Variants in TOMM34 observed in about 807,000 individuals in gnomAD.
TOMM34 encodes translocase of outer mitochondrial membrane 34.
TOMM34 carries 24 observed loss-of-function variants against 37.4 expected under a neutral mutation model. That is an observed-to-expected ratio of 0.64 (90% CI 0.46 to 0.90). The LOEUF is 0.90. TOMM34 is among the 40% of genes least tolerant of loss of function. The probability of loss-of-function intolerance (pLI) is 0.00; values close to 1 mark genes in which losing one functional copy is unlikely to be tolerated. For missense variants in TOMM34, 304 were observed against 375.6 expected (o/e 0.81, Z 1.58); for synonymous variants, 154 against 148.9 (o/e 1.03, Z -0.25).
intron 1 of TOMM34, among the ~76,000 whole-genome samples, chr20:44,958,095 T>TATGTATATATGTATACATGTAC (rs2067090160): frequency 1.8e-5 from 2 of 112,772 alleles, no homozygotes; most frequent in African/African-American, 3.4e-5. Context: ...TATATATGTA[T>TATGTATATATGTATACATGTAC]ATGTATATAT....
At position 44,960,220 on chromosome 20, in the gene TOMM34, C is replaced by A; in HGVS notation, c.114G>T (p.Val38=). The change falls in exon 1 of 7, where the codon GTG becomes GTT. Residue 38 remains valine (V), a synonymous_variant. Transcript: ENST00000372813. ...CCGGGGTCGTACCTTGCGCCTGCAGCACCCGCAGCGCGCGGCCGTAGAGCG... is the reference window on the plus strand; with the variant it reads ...CCGGGGTCGTACCTTGCGCCTGCAGAACCCGCAGCGCGCGGCCGTAGAGCG... ...ASALYGRALR[V]LQAQGSSDPE... is the part of the protein sequence containing the mutation. 1 of 1,559,970 alleles carries A rather than the reference C, an allele frequency of 6.4e-7. No homozygotes were observed. The highest frequency in any genetic ancestry group is 8.7e-7 in the Non-Finnish European group (1 of 1,153,274).
chr20:44,952,609 T>A (rs2067035757), intron 3 of TOMM34: 1 of 717,466 alleles, frequency 1.4e-6, no homozygotes, highest in Non-Finnish European at 2.6e-6. Context: ...GATTGCCACC[T>A]TCCAGGCCCG....
At chr20:44,944,653 C>T (rs979791397) in intron 5 of TOMM34, among the ~76,000 whole-genome samples, 1 of 152,078 alleles carries the variant, frequency 6.6e-6, no homozygotes, top group Non-Finnish European at 1.5e-5. Flanking sequence ...GAGTTTGAGA[C>T]CAGCCTGGGC....
intron 3 of TOMM34, chr20:44,952,729 G>A: frequency 1.4e-6 from 1 of 715,402 alleles, no homozygotes; most frequent in Non-Finnish European, 2.6e-6. Context: ...AACCACCAAG[G>A]CCCAATCAGT....
intron 1 of TOMM34, chr20:44,958,274 GATATTTGATATCTTTCATTC>G: frequency 2.2e-6 from 1 of 454,322 alleles, no homozygotes; most frequent in South Asian, 1.6e-5. Flanking sequence ...TTGCCATGTT[GATATTTGATATCTTTCATTC>G]AATACCAACA....
At chr20:44,946,337 C>A (rs890953827) in intron 5 of TOMM34, among the ~76,000 whole-genome samples, 1 of 152,126 alleles carries the variant, frequency 6.6e-6, no homozygotes, top group Non-Finnish European at 1.5e-5. Flanking sequence ...TGCATAACTT[C>A]AGGCAATAAA....
intron 4 of TOMM34, among the ~76,000 whole-genome samples, chr20:44,949,096 AT>A (rs2067005122): frequency 6.6e-6 from 1 of 152,214 alleles, no homozygotes; most frequent in African/African-American, 2.4e-5. Context: ...GAATCCTGAT[AT>A]AAAAACATTT....
chr20:44,958,133 T>C (rs996839329), intron 1 of TOMM34, among the ~76,000 whole-genome samples: 1 of 124,538 alleles, frequency 8.0e-6, no homozygotes, highest in African/African-American at 3.0e-5. Flanking sequence ...TATATATGTA[T>C]ATGTATATAT....
At chr20:44,956,336 C>G in intron 2 of TOMM34, 50 bp downstream of exon 2, 2 of 1,561,630 alleles carry the variant, frequency 1.3e-6, no homozygotes, top group South Asian at 1.1e-5. Context: ...TTAACCCAGC[C>G]TCCTCTTCTG....
Position 44,960,348 on chromosome 20 carries a change from G to A in TOMM34, c.-15C>T. On this transcript the variant is annotated 5_prime_UTR_variant, in exon 1 of 7. Transcript: ENST00000372813. ...TTGGGGGCCATCCCGTGGCCAGGCC[G>A]GCGAGTTGGGAGCTCCTTCCTTCCT... The A allele has an allele frequency of 1.9e-6, 3 of 1,553,278 alleles. No homozygotes were observed. Among genetic ancestry groups the A allele is most frequent in the South Asian group, 1.2e-5 (1 of 83,758 alleles).
At chr20:44,957,529 C>T (rs1036312186) in intron 1 of TOMM34, among the ~76,000 whole-genome samples, 2 of 152,032 alleles carry the variant, frequency 1.3e-5, no homozygotes, top group African/African-American at 2.4e-5. Flanking sequence ...CCACTAGTGT[C>T]GGCCATTATT....
chr20:44,957,820 T>C (rs2067087113), intron 1 of TOMM34, among the ~76,000 whole-genome samples: 1 of 151,988 alleles, frequency 6.6e-6, no homozygotes, highest in Non-Finnish European at 1.5e-5. Flanking sequence ...TTTTTAAAGT[T>C]TTTGTAGAGA....
chr20:44,959,878 G>A (rs2067109960), intron 1 of TOMM34: 1 of 973,166 alleles, frequency 1.0e-6, no homozygotes, highest in Non-Finnish European at 1.2e-6. Context: ...TTGAGAGAAG[G>A]GACTTTTTGT....
intron 1 of TOMM34, 26 bp downstream of exon 1, chr20:44,960,181 A>G: frequency 6.5e-7 from 1 of 1,547,084 alleles, no homozygotes; most frequent in African/African-American, 1.4e-5. Flanking sequence ...GCAGGCCCGG[A>G]GGTGAGATGG....
chr20:44,957,389 G>A (rs978346601), intron 1 of TOMM34, among the ~76,000 whole-genome samples: 1 of 152,082 alleles, frequency 6.6e-6, no homozygotes, highest in Non-Finnish European at 1.5e-5. Flanking sequence ...GGCCAAGCTG[G>A]TCTTGAACTC....
intron 4 of TOMM34, 102 bp downstream of exon 4, chr20:44,951,731 A>G (rs1487419484): frequency 2.2e-6 from 3 of 1,387,912 alleles, no homozygotes; most frequent in Non-Finnish European, 2.9e-6. Context: ...TCCTAAGATT[A>G]TTTTTATAAC....
chr20:44,956,253 A>G (rs901153822), intron 2 of TOMM34, 133 bp downstream of exon 2: 22 of 871,110 alleles, frequency 2.5e-5, no homozygotes, highest in Non-Finnish European at 3.2e-5. Context: ...ACCTGGTGAA[A>G]CTCAGTGACA....
Position 44,960,371 on chromosome 20 carries a change from C to T in TOMM34, c.-38G>A, listed in dbSNP as rs562325240. 1.2e-5 allele frequency: 18 copies of T among 1,523,842 alleles called. No homozygotes were observed. The East Asian group carries it at 3.3e-4, about 28-fold the overall frequency. The allele number at this position is 1,523,842 out of a possible 1,614,324, so 94.4% of individuals were successfully genotyped here. On this transcript the variant is annotated 5_prime_UTR_variant, in exon 1 of 7. Transcript: ENST00000372813. ...CCGGCGAGTTGGGAGCTCCTTCCTTCCTCCCCCGTGTGGTGCGGCACACCT... is the reference window on the plus strand; with the variant it reads ...CCGGCGAGTTGGGAGCTCCTTCCTTTCTCCCCCGTGTGGTGCGGCACACCT...
At position 44,952,687 on chromosome 20, in the gene TOMM34, A is replaced by G. The variant is rs1479236250; in HGVS notation, c.381-685T>C. The G allele has an allele frequency of 4.2e-6, 3 of 717,340 alleles. No homozygotes were observed. In the East Asian group the frequency reaches 8.0e-5, roughly 19 times the overall value. 44.4% of individuals were successfully genotyped at this position (717,340 alleles called of 1,614,324 possible). Reference sequence around the variant, plus strand: ...CCCAGAGACCAAGTTCATTCTGTCAACTGATCTCCAGCACCTGGTATGTCA... The same window carrying G: ...CCCAGAGACCAAGTTCATTCTGTCAGCTGATCTCCAGCACCTGGTATGTCA... On this transcript the variant is annotated intron_variant, in intron 3 of 6. Transcript: ENST00000372813.
Sources: gnomAD v4.1 joint callset for allele counts (sites outside exome capture counted in the v4.1 genomes callset) on GRCh38, gnomAD v4.1.1 for gene constraint, MANE v1.5 for transcripts, NCBI Gene and HGNC (gene_info 2026-07-23, HGNC 2026-07-21) for gene names.